The following GIMAP1 variants were observed in gnomAD, a reference collection of about 807,000 sequenced individuals.
GIMAP1 encodes GTPase IMAP family member 1.
For synonymous variants in GIMAP1, 230 were observed against 187.7 expected, an observed-to-expected ratio of 1.23 and a Z score of -1.84; for missense variants, 423 against 411.9, an observed-to-expected ratio of 1.03 and a Z score of -0.23.
Position 150,720,747 on chromosome 7 carries a change from C to A in GIMAP1, c.743C>A (p.Ala248Glu), listed in dbSNP as rs1422545935. The part of the protein sequence containing the change: ...ERLRRVAERV[A>E]ARVQRRPWGA... The stretch of plus-strand genomic sequence containing the variant: ...CTCCGGCGGGTGGCGGAGCGCGTGG[C>A]AGCCAGGGTGCAGAGGAGGCCATGG... The change falls in exon 3 of 3, where the codon GCA becomes GAA. Residue 248 changes from alanine (A) to glutamate (E), a missense_variant. Ala to Glu is a moderately radical substitution (Grantham distance 107, BLOSUM62 -1). Coordinates refer to ENST00000307194, the MANE Select transcript of GIMAP1 (RefSeq NM_130759.4). The surrounding 1 kb of genome is among the most constrained non-coding windows in gnomAD (Gnocchi z 4.5). 1.9e-6 allele frequency: 3 copies of A among 1,566,392 alleles called. No homozygotes were observed. The highest frequency in any genetic ancestry group is 4.8e-5 in the East Asian group (2 of 41,950).
Position 150,723,670 on chromosome 7 carries a change from C to A in GIMAP1, c.*2745C>A, listed in dbSNP as rs1421753125. ...ATTTGAGTGATTTGATAGCACAAAT[C>A]AATTTTATACTTAAATTACAGCATA... On this transcript the variant is annotated 3_prime_UTR_variant, in exon 3 of 3. Transcript: ENST00000307194. 6.6e-6 allele frequency: 1 copy of A among 152,168 alleles called. No individual in the cohort carries two copies. Among genetic ancestry groups the A allele is most frequent in the Non-Finnish European group, 1.5e-5 (1 of 68,032 alleles). 9.4% of individuals were successfully genotyped at this position (152,168 alleles called of 1,614,324 possible). A position where few individuals can be genotyped will look rare whatever the true frequency, so the allele number is the denominator to read the frequency against.
At position 150,722,499 on chromosome 7, in the gene GIMAP1, C is replaced by A. The variant is rs1255088159; in HGVS notation, c.*1574C>A. The stretch of plus-strand genomic sequence containing the variant: ...GTTTAATTCCTGCCTTTCGCTTCCT[C>A]AGCAGCCTTTCTGGGCCCAGGCAGG... On this transcript the variant is annotated 3_prime_UTR_variant, in exon 3 of 3. Coordinates refer to ENST00000307194, the MANE Select transcript of GIMAP1 (RefSeq NM_130759.4). 6.6e-6 allele frequency: 1 copy of A among 152,356 alleles called. No individual in the cohort carries two copies. Among genetic ancestry groups the A allele is most frequent in the Non-Finnish European group, 1.5e-5 (1 of 68,130 alleles). The allele number at this position is 152,356 out of a possible 1,614,324, so 9.4% of individuals were successfully genotyped here.
In GIMAP1 at chr7:150,720,557, G is replaced by T; in HGVS notation, c.553G>T (p.Val185Phe). Residue 185 changes from valine (V) to phenylalanine (F), a missense_variant, in exon 3 of 3, where the codon GTC becomes TTC. By Grantham distance (50) the Val-to-Phe change is conservative. Transcript: ENST00000307194. The surrounding 1 kb of genome is among the most constrained non-coding windows in gnomAD (Gnocchi z 4.5). ...GCTGGTGGCCGAGTGCGGGGGCCGG[G>T]TCTGTGCCTTTGATAACCGGGCCAC... ...RELVAECGGR[V>F]CAFDNRATGR... The T allele has an allele frequency of 6.2e-7, 1 of 1,613,306 alleles. No homozygotes were observed. The highest frequency in any genetic ancestry group is 8.5e-7 in the Non-Finnish European group (1 of 1,179,620).
Position 150,720,660 on chromosome 7 carries a change from A to C in GIMAP1, c.656A>C (p.His219Pro). 5 of 1,607,502 alleles carry C rather than the reference A, an allele frequency of 3.1e-6. No homozygotes were observed. The highest frequency in any genetic ancestry group is 4.2e-6 in the Non-Finnish European group (5 of 1,176,876). The change falls in exon 3 of 3, where the codon CAT becomes CCT. Residue 219 changes from histidine (H) to proline (P), a missense_variant. Transcript: ENST00000307194. The surrounding 1 kb of genome is among the most constrained non-coding windows in gnomAD (Gnocchi z 4.5). ...TTGGTGCTGGAGCACAAGGGCGCCCATTACTCCAACGAGGTGTATGAGCTG... is the reference window on the plus strand; with the variant it reads ...TTGGTGCTGGAGCACAAGGGCGCCCCTTACTCCAACGAGGTGTATGAGCTG... ...EGLVLEHKGA[H>P]YSNEVYELAQ...
At position 150,723,526 on chromosome 7, in the gene GIMAP1, C is replaced by T. The variant is rs887793725; in HGVS notation, c.*2601C>T. 6.6e-6 allele frequency: 1 copy of T among 152,182 alleles called. No individual in the cohort carries two copies. The highest frequency in any genetic ancestry group is 2.4e-5 in the African/African-American group (1 of 41,446). 9.4% of individuals were successfully genotyped at this position (152,182 alleles called of 1,614,324 possible). Reference sequence around the variant, plus strand: ...TTTCAGCTTATTTTATCCTTTTCTCCTGCTACAGAACAGTTGGCATTCACC... The same window carrying T: ...TTTCAGCTTATTTTATCCTTTTCTCTTGCTACAGAACAGTTGGCATTCACC... On this transcript the variant is annotated 3_prime_UTR_variant, in exon 3 of 3. Coordinates refer to ENST00000307194, the MANE Select transcript of GIMAP1 (RefSeq NM_130759.4).
rs199728301 is a variant in GIMAP1, at chr7:150,719,121, C to A, written c.43+31C>A. On this transcript the variant is annotated intron_variant, in intron 2 of 2. Transcript: ENST00000307194. ...ACCATATCTCTACACCTCATACTTG[C>A]CCCCCTAGGCTTGAACTTAGGGTAA... 9.9e-6 allele frequency: 16 copies of A among 1,613,754 alleles called. No individual in the cohort carries two copies. The African/African-American group carries it at 1.7e-4, about 17-fold the overall frequency.
At chr7:150,717,036 T>TGAGCAAAG (rs1339368364) in intron 1 of GIMAP1, among the ~76,000 whole-genome samples, 9 of 152,112 alleles carry the variant, frequency 5.9e-5, no homozygotes, top group African/African-American at 2.2e-4. Flanking sequence ...AGCTCCCTAT[T>TGAGCAAAG]GAGCAAAGGC....
chr7:150,720,929 C>T lies in GIMAP1; in HGVS notation c.*4C>T. 1.3e-6 allele frequency: 2 copies of T among 1,533,584 alleles called. No homozygotes were observed. Among genetic ancestry groups the T allele is most frequent in the African/African-American group, 2.8e-5 (2 of 71,942 alleles). The allele number at this position is 1,533,584 out of a possible 1,614,324, so 95.0% of individuals were successfully genotyped here. On this transcript the variant is annotated 3_prime_UTR_variant, in exon 3 of 3. Transcript: ENST00000307194. The surrounding 1 kb of genome is among the most constrained non-coding windows in gnomAD (Gnocchi z 4.5). ...TGCGGAGGTCGGGCCTGACTGACAG[C>T]GCAGGTCCTAAAACTGAAGGCAACT...
At chr7:150,719,260 T>A in intron 2 of GIMAP1, 170 bp downstream of exon 2, 1 of 776,450 alleles carries the variant, frequency 1.3e-6, no homozygotes, top group Non-Finnish European at 2.0e-6. Flanking sequence ...ATCTCTGCTG[T>A]GAGAAGTTAA....
At position 150,720,961 on chromosome 7, in the gene GIMAP1, A is replaced by G. The variant is rs772529431; in HGVS notation, c.*36A>G. On this transcript the variant is annotated 3_prime_UTR_variant, in exon 3 of 3. Coordinates refer to ENST00000307194, the MANE Select transcript of GIMAP1 (RefSeq NM_130759.4). The surrounding 1 kb of genome is among the most constrained non-coding windows in gnomAD (Gnocchi z 4.5). Reference sequence around the variant, plus strand: ...CCTAAAACTGAAGGCAACTTGGTTAAGGGAGGCTGAATTCTTGGAGCTGAA... The same window carrying G: ...CCTAAAACTGAAGGCAACTTGGTTAGGGGAGGCTGAATTCTTGGAGCTGAA... 4.1e-6 allele frequency: 6 copies of G among 1,469,222 alleles called. No individual in the cohort carries two copies. In the South Asian group the frequency reaches 8.4e-5, roughly 21 times the overall value. 91.0% of individuals were successfully genotyped at this position (1,469,222 alleles called of 1,614,324 possible). A position where few individuals can be genotyped will look rare whatever the true frequency, so the allele number is the denominator to read the frequency against.
chr7:150,721,101 T>A lies in GIMAP1; in HGVS notation c.*176T>A. ...TTGCCAAAGCTCAGAGTTCACTTTT[T>A]AAGTTTTTAACTCATTTTAAATGAT... On this transcript the variant is annotated 3_prime_UTR_variant, in exon 3 of 3. Transcript: ENST00000307194. 1.9e-6 allele frequency: 1 copy of A among 535,082 alleles called. No homozygotes were observed. The highest frequency in any genetic ancestry group is 3.3e-5 in the East Asian group (1 of 30,514). 33.1% of individuals were successfully genotyped at this position (535,082 alleles called of 1,614,324 possible).
intron 2 of GIMAP1, chr7:150,719,322 A>T (rs1797260710): frequency 5.4e-6 from 3 of 555,626 alleles, no homozygotes; most frequent in African/African-American, 3.8e-5. Flanking sequence ...TAAGGATAAT[A>T]AACCTACTCC....
Position 150,720,136 on chromosome 7 carries a change from G to T in GIMAP1, c.132G>T (p.Gly44=), listed in dbSNP as rs373301494. ...CAGGGGCCGGGAAGAGCGCCACTGG[G>T]AACAGCATCCTGGGCCAGAGACGGT... ...GRTGAGKSAT[G]NSILGQRRFF... The change falls in exon 3 of 3, where the codon GGG becomes GGT. Residue 44 remains glycine, a synonymous_variant. Transcript: ENST00000307194. The surrounding 1 kb of genome is among the most constrained non-coding windows in gnomAD (Gnocchi z 4.5). 5.9e-5 allele frequency: 96 copies of T among 1,613,938 alleles called. No individual in the cohort carries two copies. Among genetic ancestry groups the T allele is most frequent in the Non-Finnish European group, 7.8e-5 (92 of 1,180,032 alleles).
chr7:150,719,223 C>T, intron 2 of GIMAP1, 133 bp downstream of exon 2: 3 of 1,127,296 alleles, frequency 2.7e-6, no homozygotes, highest in Admixed American at 4.2e-5. Flanking sequence ...GAAACAGCAC[C>T]AGCCCTGAGA....
intron 1 of GIMAP1, among the ~76,000 whole-genome samples, chr7:150,717,392 T>G (rs1797232416): frequency 1.3e-5 from 2 of 152,208 alleles, no homozygotes; most frequent in South Asian, 4.1e-4. Context: ...AGATGTACAT[T>G]TTTAAAGAAC....
intron 1 of GIMAP1, among the ~76,000 whole-genome samples, chr7:150,718,214 A>C (rs1252574869): frequency 6.6e-6 from 1 of 152,148 alleles, no homozygotes; most frequent in Non-Finnish European, 1.5e-5. Flanking sequence ...AGCTTGTGTG[A>C]TTAGGCAAAC....
chr7:150,720,294 G>C lies in GIMAP1; in HGVS notation c.290G>C (p.Gly97Ala), dbSNP rs1414087500. Reference sequence around the variant, plus strand: ...TCCCAAGTGTCCAAGACAGATCCTGGCTGTGAGGAGAGAGGTCACTGCTAC... The same window carrying C: ...TCCCAAGTGTCCAAGACAGATCCTGCCTGTGAGGAGAGAGGTCACTGCTAC... ...FSSQVSKTDP[G>A]CEERGHCYLL... The change falls in exon 3 of 3, where the codon GGC becomes GCC. Residue 97 changes from glycine to alanine, a missense_variant. Coordinates refer to ENST00000307194, the MANE Select transcript of GIMAP1 (RefSeq NM_130759.4). This position sits in a 1 kb window ranked among gnomAD's most constrained non-coding sequence, Gnocchi z 4.5. The C allele has an allele frequency of 6.2e-7, 1 of 1,614,108 alleles. No individual in the cohort carries two copies. Among genetic ancestry groups the C allele is most frequent in the Non-Finnish European group, 8.5e-7 (1 of 1,180,052 alleles).
chr7:150,719,076 A>T lies in GIMAP1; in HGVS notation c.29A>T (p.Glu10Val). 1 of 1,614,182 alleles carries T rather than the reference A, an allele frequency of 6.2e-7. No homozygotes were observed. Among genetic ancestry groups the T allele is most frequent in the South Asian group, 1.1e-5 (1 of 91,080 alleles). Residue 10 changes from glutamate to valine, a missense_variant, in exon 2 of 3, where the codon GAA (glutamate) becomes GTA (valine). Coordinates refer to ENST00000307194, the MANE Select transcript of GIMAP1 (RefSeq NM_130759.4). MGGRKMATD[E>V]ENVYGLEENA... ...GGAGGAAGGAAGATGGCGACAGATG[A>T]AGAAAATGTCTATGGTAAGACCATA...
Position 150,720,859 on chromosome 7 carries a change from G to A in GIMAP1, c.855G>A (p.Ala285=), listed in dbSNP as rs1201142992. The part of the protein sequence containing the change: ...RLGLALLLGG[A]LLFWVLLHRR... ...GCCTGGCCCTGCTGCTGGGGGGCGCGCTCCTGTTCTGGGTGCTGCTCCACA... is the reference window on the plus strand; with the variant it reads ...GCCTGGCCCTGCTGCTGGGGGGCGCACTCCTGTTCTGGGTGCTGCTCCACA... Residue 285 remains alanine, a synonymous_variant, in exon 3 of 3, where the codon GCG becomes GCA. Transcript: ENST00000307194. This position sits in a 1 kb window ranked among gnomAD's most constrained non-coding sequence, Gnocchi z 4.5. 1.9e-6 allele frequency: 3 copies of A among 1,605,354 alleles called. No homozygotes were observed. Among genetic ancestry groups the A allele is most frequent in the South Asian group, 1.1e-5 (1 of 90,594 alleles).
Sources: gnomAD v4.1 joint callset for allele counts (sites outside exome capture counted in the v4.1 genomes callset) on GRCh38, gnomAD v4.1.1 for gene constraint, Gnocchi (gnomAD v3.1) non-coding constraint, MANE v1.5 for transcripts, NCBI Gene and HGNC (gene_info 2026-07-23, HGNC 2026-07-21) for gene names.